Variants in JPT2 observed in about 807,000 individuals in gnomAD.
JPT2 encodes the protein CRAMP_1 like.
A neutral mutation model predicts 15.9 loss-of-function variants in JPT2; 9 were observed. The observed-to-expected ratio is 0.57, with a 90% CI of 0.34 to 0.99. JPT2 has a LOEUF of 0.99. Ranked by LOEUF, JPT2 falls within the 50% of genes least tolerant of loss-of-function variation. JPT2 has a pLI of 0.02. For synonymous variants in JPT2, 95 were observed against 91.7 expected (o/e 1.04, Z -0.21); for missense variants, 267 against 252.1 (o/e 1.06, Z -0.40).
chr16:1,693,441 TCTTTGGGGGCTTTACTACA>T lies in JPT2; in HGVS notation c.336+1457_336+1475del, dbSNP rs2037118320. 2.0e-5 allele frequency among the ~76,000 whole-genome samples: 3 copies of T among 152,288 alleles called. No homozygotes were observed. The South Asian group carries it at 6.2e-4, about 32-fold the overall frequency. On this transcript the variant is annotated intron_variant, in intron 3 of 4. Coordinates refer to ENST00000248098, the MANE Select transcript of JPT2 (RefSeq NM_144570.3). ...CAAGAGAGCATCTATTTGGGAAGTA[TCTTTGGGGGCTTTACTACA>T]AGGTGAACTTTGGCAAGACCAGAAA... is the stretch of plus-strand genomic sequence containing the variant.
At chr16:1,680,535 G>A (rs1304574527) in intron 1 of JPT2, 4 of 1,198,562 alleles carry the variant, frequency 3.3e-6, no homozygotes, top group South Asian at 1.4e-5. Flanking sequence ...TCCACCAGAC[G>A]CTGCACATTT....
chr16:1,693,130 C>A (rs764697956), intron 3 of JPT2, among the ~76,000 whole-genome samples: 1 of 152,158 alleles, frequency 6.6e-6, no homozygotes, highest in Non-Finnish European at 1.5e-5. Context: ...AATAGAGTCT[C>A]ATTCTGTTGC....
Position 1,696,520 on chromosome 16 carries a change from C to CAAAAATCA in JPT2, c.337-1287_337-1286insTCAAAAAA, listed in dbSNP as rs531594876. 6.8e-4 allele frequency among the ~76,000 whole-genome samples: 76 copies of CAAAAATCA among 112,134 alleles called. 1 individual carries two copies. In the East Asian group the frequency reaches 0.018, roughly 26 times the overall value. The allele number at this position is 112,134 out of a possible 152,430, so 73.6% of individuals were successfully genotyped here. On this transcript the variant is annotated intron_variant, in intron 3 of 4. Transcript: ENST00000248098. The stretch of plus-strand genomic sequence containing the variant: ...TGGGCAACAGAGTGAGACTCCGTGT[C>CAAAAATCA]AAAAAAAAAAAAAAGTGAAAAGATA...
At chr16:1,685,639 A>G (rs748819458) in intron 2 of JPT2, 52 bp downstream of exon 2, 1 of 1,565,640 alleles carries the variant, frequency 6.4e-7, no homozygotes, top group Non-Finnish European at 8.7e-7. Context: ...TTCTCTTTTG[A>G]AAATATTTTC....
intron 3 of JPT2, among the ~76,000 whole-genome samples, chr16:1,694,690 C>CT (rs34507327): frequency 0.021 from 2,962 of 143,908 alleles, 39 homozygotes; most frequent in African/African-American, 0.037. Flanking sequence ...TTCCAAAGGG[C>CT]TTTTTTTTTT....
intron 3 of JPT2, among the ~76,000 whole-genome samples, chr16:1,693,141 C>T (rs1346760470): frequency 6.6e-6 from 1 of 152,130 alleles, no homozygotes; most frequent in African/African-American, 2.4e-5. Context: ...ATTCTGTTGC[C>T]CAGGCTGGAG....
intron 3 of JPT2, among the ~76,000 whole-genome samples, chr16:1,694,999 C>G (rs1159959369): frequency 1.3e-5 from 2 of 152,228 alleles, no homozygotes; most frequent in Non-Finnish European, 2.9e-5. Flanking sequence ...TGGTGTCTCA[C>G]ACTTGTAATC....
At chr16:1,693,183 A>C (rs1034847933) in intron 3 of JPT2, among the ~76,000 whole-genome samples, 6 of 152,124 alleles carry the variant, frequency 3.9e-5, no homozygotes, top group Admixed American at 2.0e-4. Flanking sequence ...CACTGCAGCC[A>C]CTATCTCCTG....
chr16:1,701,956 G>A lies in JPT2; in HGVS notation c.*2958G>A, dbSNP rs1019521444. The A allele has an allele frequency of 8.8e-6, 3 of 342,220 alleles. No homozygotes were observed. Among genetic ancestry groups the A allele is most frequent in the Non-Finnish European group, 1.2e-5 (2 of 168,672 alleles). 21.2% of individuals were successfully genotyped at this position (342,220 alleles called of 1,614,324 possible). On this transcript the variant is annotated 3_prime_UTR_variant, in exon 5 of 5. Coordinates refer to ENST00000248098, the MANE Select transcript of JPT2 (RefSeq NM_144570.3). Reference sequence around the variant, plus strand: ...ACTCGGGAGGCTGAGTGAGGCAGGAGGATCACTTGAGACCAGGAGGTTGTG... The same window carrying A: ...ACTCGGGAGGCTGAGTGAGGCAGGAAGATCACTTGAGACCAGGAGGTTGTG...
intron 1 of JPT2, among the ~76,000 whole-genome samples, chr16:1,680,102 A>G (rs2037010289): frequency 6.6e-6 from 1 of 152,188 alleles, no homozygotes; most frequent in Non-Finnish European, 1.5e-5. Context: ...TATTATGCCT[A>G]GGTCTGCACC....
Position 1,700,040 on chromosome 16 carries a change from T to G in JPT2, c.*1042T>G. On this transcript the variant is annotated 3_prime_UTR_variant, in exon 5 of 5. Coordinates refer to ENST00000248098, the MANE Select transcript of JPT2 (RefSeq NM_144570.3). ...TAAATACCAGCTTTACATAAATGAT[T>G]GTTGACTCTGGTCTGTTTCTGACAC... 2.6e-6 allele frequency: 1 copy of G among 391,810 alleles called. No individual in the cohort carries two copies. The highest frequency in any genetic ancestry group is 5.3e-6 in the Non-Finnish European group (1 of 188,168). 24.3% of individuals were successfully genotyped at this position (391,810 alleles called of 1,614,324 possible). A position where few individuals can be genotyped will look rare whatever the true frequency, so the allele number is the denominator to read the frequency against.
intron 1 of JPT2, chr16:1,683,703 A>T: frequency 1.4e-6 from 1 of 733,222 alleles, no homozygotes; most frequent in Non-Finnish European, 2.3e-6. Flanking sequence ...AGATCTGAGA[A>T]CTCCATTCAC....
chr16:1,681,822 G>T (rs985613804), intron 1 of JPT2, among the ~76,000 whole-genome samples: 6 of 152,178 alleles, frequency 3.9e-5, no homozygotes, highest in South Asian at 2.1e-4. Context: ...GGAATGTGGG[G>T]TCGGGAAAGA....
At chr16:1,682,587 G>A (rs774260009) in intron 1 of JPT2, among the ~76,000 whole-genome samples, 5 of 151,904 alleles carry the variant, frequency 3.3e-5, no homozygotes, top group Non-Finnish European at 7.4e-5. Flanking sequence ...CAGGAGAATC[G>A]CCTGAACCCA....
chr16:1,688,254 A>AGTAGCAGAGCTAGTCG (rs1343141611), intron 2 of JPT2: 6 of 152,368 alleles, frequency 3.9e-5, no homozygotes, highest in Non-Finnish European at 8.8e-5. Context: ...CAAGCTAGTC[A>AGTAGCAGAGCTAGTCG]GTAGCAGAGC....
intron 1 of JPT2, chr16:1,683,490 C>A: frequency 1.4e-6 from 2 of 1,468,112 alleles, no homozygotes; most frequent in Non-Finnish European, 1.8e-6. Flanking sequence ...TTTTTTTTCT[C>A]CCTCCTCAAA....
At chr16:1,684,609 G>C (rs182374264) in intron 1 of JPT2, among the ~76,000 whole-genome samples, 1 of 152,138 alleles carries the variant, frequency 6.6e-6, no homozygotes, top group Non-Finnish European at 1.5e-5. Context: ...GTGTGGTGGC[G>C]CATACCTGTA....
chr16:1,683,443 A>C, intron 1 of JPT2: 3 of 1,064,196 alleles, frequency 2.8e-6, no homozygotes, highest in Non-Finnish European at 4.1e-6. Context: ...GTTATTGGTT[A>C]TTTTTAAAAA....
At chr16:1,683,427 A>G (rs2037040268) in intron 1 of JPT2, 1 of 908,358 alleles carries the variant, frequency 1.1e-6, no homozygotes, top group Admixed American at 2.2e-5. Flanking sequence ...TTCTCATTTA[A>G]GCTTGGTTAT....
Sources: allele counts gnomAD v4.1 joint callset (sites outside exome capture counted in the v4.1 genomes callset), GRCh38; gene constraint gnomAD v4.1.1; transcripts MANE v1.5; gene names NCBI Gene and HGNC (gene_info 2026-07-23, HGNC 2026-07-21).